OR2M3: variants seen among roughly 807,000 people sequenced by gnomAD.
OR2M3 encodes the protein olfactory receptor 2M3.
Under a neutral mutation model 4.3 loss-of-function variants are expected in OR2M3, and 1 was observed. The observed-to-expected ratio is 0.23, with a 90% CI of 0.08 to 1.11. OR2M3 has a LOEUF of 1.11. Among genes scored for constraint, OR2M3 ranks in the 50% most tolerant of loss-of-function variants. OR2M3 has a pLI of 0.54. For synonymous variants in OR2M3, 151 were observed against 139.4 expected, an observed-to-expected ratio of 1.08 and a Z score of -0.59; for missense variants, 410 against 390.4, an observed-to-expected ratio of 1.05 and a Z score of -0.42.
chr1:248,203,247 C>G lies in OR2M3; in HGVS notation c.180C>G (p.Tyr60Ter). The change falls in exon 2 of 2, where the codon TAC (tyrosine) becomes TAG (stop). Residue 60 changes from tyrosine to a stop codon, truncating the protein, a stop_gained. Transcript: ENST00000641626. LOFTEE classifies it low-confidence loss of function (END_TRUNC). ...ACACCCAGCTCCACACCCCCATGTA[C>G]CTCCTCCTCAGCCAACTGTCCCTCA... ...YLDTQLHTPMYLLLSQLSLMD... is the reference protein window; with the variant it reads ...YLDTQLHTPM 6.2e-7 allele frequency: 1 copy of G among 1,614,050 alleles called. No individual in the cohort carries two copies. Among genetic ancestry groups the G allele is most frequent in the Non-Finnish European group, 8.5e-7 (1 of 1,179,980 alleles).
In OR2M3 at chr1:248,212,879, A is replaced by T. The variant is rs886328943; in HGVS notation, c.*8873A>T. The stretch of plus-strand genomic sequence containing the variant: ...TACTAATAATTTAACATGTTTTTAC[A>T]TCATTTTGTTTTATTCATATTATAA... On this transcript the variant is annotated 3_prime_UTR_variant, in exon 2 of 2. Transcript: ENST00000641626. 6.6e-6 allele frequency: 1 copy of T among 151,778 alleles called. No individual in the cohort carries two copies. The allele number at this position is 151,778 out of a possible 1,614,324, so 9.4% of individuals were successfully genotyped here. A position where few individuals can be genotyped will look rare whatever the true frequency, so the allele number is the denominator to read the frequency against.
rs768823337 is a variant in OR2M3 at position 248,203,075 on chromosome 1, G to T, written c.8G>T (p.Arg3Met). Residue 3 changes from arginine (R) to methionine (M), a missense_variant, in exon 2 of 2, where the codon AGG becomes ATG. Transcript: ENST00000641626. ...GTAAAAAGCATACACATCATGGCAAGGGAGAATTCGACCTTCAACTCCGAC... is the reference window on the plus strand; with the variant it reads ...GTAAAAAGCATACACATCATGGCAATGGAGAATTCGACCTTCAACTCCGAC... MA[R>M]ENSTFNSDFI... The T allele has an allele frequency of 3.7e-6, 6 of 1,612,144 alleles. No individual in the cohort carries two copies. The highest frequency in any genetic ancestry group is 5.1e-6 in the Non-Finnish European group (6 of 1,178,998).
At position 248,211,919 on chromosome 1, in the gene OR2M3, A is replaced by G. The variant is rs193075353; in HGVS notation, c.*7913A>G. 1.2e-4 allele frequency: 19 copies of G among 152,310 alleles called. No homozygotes were observed. The East Asian group carries it at 3.7e-3, about 29-fold the overall frequency. 9.4% of individuals were successfully genotyped at this position (152,310 alleles called of 1,614,324 possible). ...CAGGCTTTATTTATATTATTGATTC[A>G]CAAGAGAATCAAATTTTTCTAAAAT... On this transcript the variant is annotated 3_prime_UTR_variant, in exon 2 of 2. Transcript: ENST00000641626.
In OR2M3 at chr1:248,204,870, T is replaced by A. The variant is rs1170715768; in HGVS notation, c.*864T>A. On this transcript the variant is annotated 3_prime_UTR_variant, in exon 2 of 2. Coordinates refer to ENST00000641626, the MANE Select transcript of OR2M3 (RefSeq NM_001004689.2). ...CTTTAAGGAATGTTCACACTGTTTT[T>A]TACAGTGGTTGAACTAGTTTGCATT... 2 of 152,018 alleles carry A rather than the reference T, an allele frequency of 1.3e-5. No homozygotes were observed. The highest frequency in any genetic ancestry group is 6.6e-5 in the Admixed American group (1 of 15,250). 9.4% of individuals were successfully genotyped at this position (152,018 alleles called of 1,614,324 possible).
At position 248,203,409 on chromosome 1, in the gene OR2M3, T is replaced by C. The variant is rs753881204; in HGVS notation, c.342T>C (p.Leu114=). ...YTSLLGSECF[L]LAVMAYDRYT... The stretch of plus-strand genomic sequence containing the variant: ...CACTGCTTGGCTCTGAGTGCTTTCT[T>C]TTGGCTGTTATGGCTTATGACCGCT... Residue 114 remains leucine, a synonymous_variant, in exon 2 of 2, where the codon CTT becomes CTC. Coordinates refer to ENST00000641626, the MANE Select transcript of OR2M3 (RefSeq NM_001004689.2). The C allele has an allele frequency of 6.2e-7, 1 of 1,614,080 alleles. No individual in the cohort carries two copies. Among genetic ancestry groups the C allele is most frequent in the Non-Finnish European group, 8.5e-7 (1 of 1,179,998 alleles).
At chr1:248,201,688 A>G (rs1282559414) in intron 1 of OR2M3, among the ~76,000 whole-genome samples, 1 of 150,022 alleles carries the variant, frequency 6.7e-6, no homozygotes. Flanking sequence ...GAGTGAGAAC[A>G]TGCGGTGTTT....
rs1281441636 is a variant in OR2M3 at position 248,212,054 on chromosome 1, T to C, written c.*8048T>C. ...TTTGAAGTCCTTTTAAAGAAAATCA[T>C]GTCCAGCATATAGATTAAGTGGTCA... is the stretch of plus-strand genomic sequence containing the variant. On this transcript the variant is annotated 3_prime_UTR_variant, in exon 2 of 2. Transcript: ENST00000641626. The C allele has an allele frequency of 1.3e-5, 2 of 152,212 alleles. No individual in the cohort carries two copies. Among genetic ancestry groups the C allele is most frequent in the African/African-American group, 2.4e-5 (1 of 41,452 alleles). The allele number at this position is 152,212 out of a possible 1,614,324, so 9.4% of individuals were successfully genotyped here. A position where few individuals can be genotyped will look rare whatever the true frequency, so the allele number is the denominator to read the frequency against.
In OR2M3 at chr1:248,203,976, G is replaced by T. The variant is rs1422896734; in HGVS notation, c.909G>T (p.Lys303Asn). 1.2e-6 allele frequency: 2 copies of T among 1,613,742 alleles called. No homozygotes were observed. The highest frequency in any genetic ancestry group is 1.7e-6 in the Non-Finnish European group (2 of 1,179,896). Residue 303 changes from lysine to asparagine, a missense_variant, in exon 2 of 2, where the codon AAG (lysine) becomes AAT (asparagine). Physicochemically the swap from Lys to Asn is moderately conservative, Grantham distance 94. Coordinates refer to ENST00000641626, the MANE Select transcript of OR2M3 (RefSeq NM_001004689.2). ...RNKEVTRAFM[K>N]ILGKGKSGE Reference sequence around the variant, plus strand: ...AGGAGGTGACCAGAGCATTCATGAAGATCTTAGGAAAGGGCAAGTCTGGAG... The same window carrying T: ...AGGAGGTGACCAGAGCATTCATGAATATCTTAGGAAAGGGCAAGTCTGGAG...
At chr1:248,199,336 C>CT (rs1666131891) in intron 1 of OR2M3, among the ~76,000 whole-genome samples, 1 of 151,914 alleles carries the variant, frequency 6.6e-6, no homozygotes, top group South Asian at 2.1e-4. Flanking sequence ...AAAAAGCTGC[C>CT]TTTTTTATTC....
chr1:248,201,067 A>G (rs1666151761), intron 1 of OR2M3, among the ~76,000 whole-genome samples: 1 of 152,150 alleles, frequency 6.6e-6, no homozygotes, highest in African/African-American at 2.4e-5. Flanking sequence ...ATAATTTTTT[A>G]CTGCCTGGGA....
In OR2M3 at chr1:248,203,735, T is replaced by G; in HGVS notation, c.668T>G (p.Leu223Arg). ...ATTGCTTCCTATGCTCGAGTTATCC[T>G]GGCTGTCATTCACATGGGATCTGGA... ...IIIASYARVILAVIHMGSGEG... is the reference protein window; with the variant it reads ...IIIASYARVIRAVIHMGSGEG... The change falls in exon 2 of 2, where the codon CTG becomes CGG. Residue 223 changes from leucine to arginine, a missense_variant. Physicochemically the swap from Leu to Arg is moderately radical, Grantham distance 102. Coordinates refer to ENST00000641626, the MANE Select transcript of OR2M3 (RefSeq NM_001004689.2). 1 of 1,612,604 alleles carries G rather than the reference T, an allele frequency of 6.2e-7. No homozygotes were observed. Among genetic ancestry groups the G allele is most frequent in the Non-Finnish European group, 8.5e-7 (1 of 1,179,804 alleles).
rs143391143 is a variant in OR2M3 at position 248,203,733 on chromosome 1, C to T, written c.666C>T (p.Ile222=). 2,323 of 1,612,414 alleles carry T rather than the reference C, an allele frequency of 1.4e-3. 21 individuals are homozygous for T. In the African/African-American group the frequency reaches 0.024, roughly 16 times the overall value. ...AIIIASYARV[I]LAVIHMGSGE... ...TCATTGCTTCCTATGCTCGAGTTAT[C>T]CTGGCTGTCATTCACATGGGATCTG... Residue 222 remains isoleucine, a synonymous_variant, in exon 2 of 2, where the codon ATC becomes ATT. Transcript: ENST00000641626.
intron 1 of OR2M3, among the ~76,000 whole-genome samples, chr1:248,198,626 T>C (rs1666123288): frequency 6.6e-6 from 1 of 152,136 alleles, no homozygotes; most frequent in Non-Finnish European, 1.5e-5. Flanking sequence ...GGCCACTCAG[T>C]GTCTCTTTTC....
chr1:248,204,003 G>A lies in OR2M3; in HGVS notation c.936G>A (p.Glu312=), dbSNP rs1421351155. Reference sequence around the variant, plus strand: ...TCTTAGGAAAGGGCAAGTCTGGAGAGTGAGTTACCTAATAAACTTCATGTT... The same window carrying A: ...TCTTAGGAAAGGGCAAGTCTGGAGAATGAGTTACCTAATAAACTTCATGTT... The part of the protein sequence containing the change: ...MKILGKGKSG[E] Residue 312 remains glutamate (E), a synonymous_variant, in exon 2 of 2, where the codon GAG becomes GAA. Transcript: ENST00000641626. The A allele has an allele frequency of 1.9e-6, 3 of 1,613,590 alleles. No homozygotes were observed. Among genetic ancestry groups the A allele is most frequent in the East Asian group, 4.5e-5 (2 of 44,872 alleles).
intron 1 of OR2M3, among the ~76,000 whole-genome samples, chr1:248,198,025 G>A (rs533601200): frequency 2.0e-5 from 3 of 151,982 alleles, no homozygotes; most frequent in East Asian, 3.8e-4. Flanking sequence ...TCCTCAACCC[G>A]TATTAATGAA....
chr1:248,198,580 A>G (rs562911637), intron 1 of OR2M3, among the ~76,000 whole-genome samples: 3 of 152,272 alleles, frequency 2.0e-5, no homozygotes, highest in South Asian at 4.1e-4. Context: ...ATGCTGTCTG[A>G]TACATAATGC....
At chr1:248,201,492 T>C (rs549546660) in intron 1 of OR2M3, among the ~76,000 whole-genome samples, 195 of 152,194 alleles carry the variant, frequency 1.3e-3, no homozygotes, top group Middle Eastern at 3.4e-3. Context: ...ATGTGCACAA[T>C]GTGCAGGTTA....
chr1:248,198,955 A>G (rs147473088), intron 1 of OR2M3, among the ~76,000 whole-genome samples: 1 of 152,136 alleles, frequency 6.6e-6, no homozygotes, highest in Non-Finnish European at 1.5e-5. Context: ...GTCATGAAAT[A>G]TGACCATGAT....
chr1:248,202,998 A>G, intron 1 of OR2M3, 52 bp from the exon 2 acceptor site: 2 of 1,469,482 alleles, frequency 1.4e-6, no homozygotes, highest in Non-Finnish European at 1.9e-6. Context: ...CATGATTTAT[A>G]AGGCACTGAG....
Sources: gnomAD v4.1 joint callset for allele counts (sites outside exome capture counted in the v4.1 genomes callset) on GRCh38, gnomAD v4.1.1 for gene constraint, MANE v1.5 for transcripts, NCBI Gene and HGNC (gene_info 2026-07-23, HGNC 2026-07-21) for gene names.